Variants in SLC2A13 observed in about 807,000 individuals in gnomAD.
SLC2A13 encodes the protein solute carrier family 2 member 13, also known as proton myo-inositol cotransporter.
A neutral mutation model predicts 64.4 loss-of-function variants in SLC2A13; 32 were observed. The ratio of observed to expected loss-of-function variants is 0.50; its 90% CI spans 0.37 to 0.67. The LOEUF (loss-of-function observed/expected upper bound fraction) is 0.67. Among genes scored for constraint, SLC2A13 ranks in the 30% least tolerant of loss-of-function variants. The pLI, the probability that SLC2A13 is intolerant of heterozygous loss-of-function variation, is 0.00. For synonymous variants in SLC2A13, 338 were observed against 327.1 expected, an observed-to-expected ratio of 1.03 and a Z score of -0.36; for missense variants, 743 against 829.2, an observed-to-expected ratio of 0.90 and a Z score of 1.28.
chr12:39,823,626 A>T, intron 7 of SLC2A13, among the ~76,000 whole-genome samples: 1 of 151,954 alleles, frequency 6.6e-6, no homozygotes, highest in East Asian at 1.9e-4. Context: ...TGATATTATT[A>T]TTATTATAGA....
intron 4 of SLC2A13, among the ~76,000 whole-genome samples, chr12:39,940,571 A>G (rs1946002958): frequency 6.6e-6 from 1 of 152,180 alleles, no homozygotes. Context: ...AGATCAGGAT[A>G]TAAATCAAAG....
At chr12:39,805,506 C>T (rs1442291777) in intron 7 of SLC2A13, among the ~76,000 whole-genome samples, 1 of 46,954 alleles carries the variant, frequency 2.1e-5, no homozygotes, top group East Asian at 7.2e-4. Context: ...AGGTTAATGC[C>T]TCTGTTGGTT....
chr12:39,802,596 T>C (rs1405530834), intron 7 of SLC2A13, among the ~76,000 whole-genome samples: 1 of 152,206 alleles, frequency 6.6e-6, no homozygotes, highest in Non-Finnish European at 1.5e-5. Context: ...CTTGTATGTT[T>C]CTGTGTGAAC....
intron 1 of SLC2A13, among the ~76,000 whole-genome samples, chr12:40,099,100 T>C (rs1329100788): frequency 6.6e-6 from 1 of 152,246 alleles, no homozygotes; most frequent in African/African-American, 2.4e-5. Flanking sequence ...AGAAAGCATG[T>C]AGTACTCTCA....
intron 7 of SLC2A13, among the ~76,000 whole-genome samples, chr12:39,787,820 C>G (rs932597233): frequency 8.5e-5 from 13 of 152,110 alleles, no homozygotes; most frequent in African/African-American, 3.1e-4. Context: ...ATCTAAAAAT[C>G]AGAAAGGCCA....
intron 4 of SLC2A13, chr12:39,907,961 C>A (rs1945333610): frequency 6.6e-6 from 1 of 151,316 alleles, no homozygotes; most frequent in Non-Finnish European, 1.5e-5. Context: ...AAGTTTCAGT[C>A]TATTGCAGCT....
intron 6 of SLC2A13, among the ~76,000 whole-genome samples, chr12:39,852,344 G>A (rs935921044): frequency 6.6e-6 from 1 of 152,196 alleles, no homozygotes; most frequent in Non-Finnish European, 1.5e-5. Context: ...ACTGTAATCA[G>A]TTGTAAGACT....
intron 3 of SLC2A13, among the ~76,000 whole-genome samples, chr12:40,011,454 T>G (rs1369997210): frequency 1.3e-5 from 2 of 152,218 alleles, no homozygotes; most frequent in Non-Finnish European, 2.9e-5. Context: ...AATTTCATAC[T>G]CTTAGATCTA....
At chr12:40,026,659 C>A (rs1254690571) in intron 3 of SLC2A13, among the ~76,000 whole-genome samples, 1 of 152,098 alleles carries the variant, frequency 6.6e-6, no homozygotes, top group Non-Finnish European at 1.5e-5. Context: ...AAATTTTTAT[C>A]CTTTATATAA....
At chr12:40,093,333 A>G (rs909847941) in intron 1 of SLC2A13, among the ~76,000 whole-genome samples, 1 of 152,206 alleles carries the variant, frequency 6.6e-6, no homozygotes. Flanking sequence ...CTCAGCTCAA[A>G]ATTATTCCTT....
intron 4 of SLC2A13, among the ~76,000 whole-genome samples, chr12:39,943,130 C>T (rs577399251): frequency 9.2e-5 from 14 of 152,298 alleles, no homozygotes; most frequent in East Asian, 7.7e-4. Flanking sequence ...CTGGAAGCTT[C>T]GTCCCAGAGG....
chr12:39,794,713 G>T (rs947485301), intron 7 of SLC2A13, among the ~76,000 whole-genome samples: 7 of 152,182 alleles, frequency 4.6e-5, no homozygotes, highest in South Asian at 2.1e-4. Flanking sequence ...GCCTGGAGTG[G>T]CTGTGAACAT....
chr12:39,895,051 T>C (rs1944705165), intron 4 of SLC2A13, among the ~76,000 whole-genome samples: 1 of 152,068 alleles, frequency 6.6e-6, no homozygotes, highest in Non-Finnish European at 1.5e-5. Context: ...CTTTTTGTTT[T>C]TGAGATGGGG....
At chr12:39,854,351 G>A (rs1381345056) in intron 6 of SLC2A13, among the ~76,000 whole-genome samples, 1 of 152,098 alleles carries the variant, frequency 6.6e-6, no homozygotes, top group African/African-American at 2.4e-5. Context: ...TTAGTTAACA[G>A]AAACTATTAT....
At chr12:40,058,082 TAGATA>T (rs1948362133) in intron 1 of SLC2A13, among the ~76,000 whole-genome samples, 19 of 151,192 alleles carry the variant, frequency 1.3e-4, no homozygotes, top group Admixed American at 5.9e-4. Flanking sequence ...GATAGATAGA[TAGATA>T]GATTGATTTA....
intron 1 of SLC2A13, among the ~76,000 whole-genome samples, chr12:40,057,951 G>A (rs1012567461): frequency 4.0e-5 from 6 of 151,720 alleles, no homozygotes; most frequent in East Asian, 1.9e-4. Context: ...ACCCACCAAC[G>A]GATATTATCT....
chr12:39,815,800 T>C (rs568666092), intron 7 of SLC2A13, among the ~76,000 whole-genome samples: 3 of 152,306 alleles, frequency 2.0e-5, no homozygotes, highest in African/African-American at 7.2e-5. Context: ...AAATAAATGT[T>C]GTTTTAGTTG....
chr12:39,909,434 G>A (rs1945371484), intron 4 of SLC2A13, among the ~76,000 whole-genome samples: 1 of 152,000 alleles, frequency 6.6e-6, no homozygotes, highest in Non-Finnish European at 1.5e-5. Flanking sequence ...TCTGGATTTG[G>A]TGCTCTTTGT....
At chr12:39,909,444 T>C (rs1335439922) in intron 4 of SLC2A13, among the ~76,000 whole-genome samples, 1 of 152,126 alleles carries the variant, frequency 6.6e-6, no homozygotes, top group Admixed American at 6.6e-5. Context: ...GTGCTCTTTG[T>C]TTTGCCTACC....
Sources: gnomAD v4.1 joint callset for allele counts (sites outside exome capture counted in the v4.1 genomes callset) on GRCh38, gnomAD v4.1.1 for gene constraint, MANE v1.5 for transcripts, NCBI Gene and HGNC (gene_info 2026-07-23, HGNC 2026-07-21) for gene names.